Variants in PARP2 observed in about 807,000 individuals in gnomAD.
PARP2 encodes poly [ADP-ribose] polymerase 2.
Under a neutral mutation model 77.8 loss-of-function variants are expected in PARP2, and 57 were observed. That is an observed-to-expected ratio of 0.73 (90% CI 0.59 to 0.91). The LOEUF is 0.91. Ranked by LOEUF, PARP2 falls within the 40% of genes least tolerant of loss-of-function variation. PARP2 has a pLI of 0.00. For missense variants in PARP2, 651 were observed against 689.0 expected, an observed-to-expected ratio of 0.94 and a Z score of 0.62; for synonymous variants, 226 against 242.6, an observed-to-expected ratio of 0.93 and a Z score of 0.64.
intron 7 of PARP2, among the ~76,000 whole-genome samples, chr14:20,353,511 G>A (rs537370469): frequency 1.6e-3 from 245 of 152,296 alleles, no homozygotes; most frequent in Non-Finnish European, 3.1e-3. Flanking sequence ...CCAAAGTGCT[G>A]GGATTACAAG....
intron 4 of PARP2, among the ~76,000 whole-genome samples, chr14:20,348,008 G>A (rs529393739): frequency 6.6e-6 from 1 of 151,936 alleles, no homozygotes; most frequent in East Asian, 1.9e-4. Context: ...TGAGTAGCTC[G>A]GACTTCAGGC....
intron 13 of PARP2, 119 bp downstream of exon 13, chr14:20,356,808 C>T (rs550689943): frequency 1.2e-6 from 1 of 807,458 alleles, no homozygotes; most frequent in Non-Finnish European, 2.1e-6. Flanking sequence ...AGCCAGCTCA[C>T]TGATAACCTT....
chr14:20,346,475 C>T (rs905115321), intron 3 of PARP2: 10 of 168,284 alleles, frequency 5.9e-5, no homozygotes, highest in African/African-American at 1.4e-4. Context: ...TTACAGGTGC[C>T]CACCACCACG....
At chr14:20,350,967 C>A in intron 5 of PARP2, 80 bp from the exon 6 acceptor site, 1 of 1,074,580 alleles carries the variant, frequency 9.3e-7, no homozygotes, top group South Asian at 1.3e-5. Flanking sequence ...GCCTGTTTGT[C>A]AGATGTTAAG....
At chr14:20,347,053 G>A (rs1388728429) in intron 4 of PARP2, 140 bp downstream of exon 4, 2 of 567,068 alleles carry the variant, frequency 3.5e-6, no homozygotes, top group Non-Finnish European at 6.2e-6. Flanking sequence ...TTTTGAAATG[G>A]AGTCTCACTT....
At chr14:20,350,226 A>G (rs1468120179) in intron 4 of PARP2, among the ~76,000 whole-genome samples, 1 of 152,200 alleles carries the variant, frequency 6.6e-6, no homozygotes, top group Non-Finnish European at 1.5e-5. Context: ...AAAATATCTA[A>G]ATAGGGAGCT....
Position 20,356,607 on chromosome 14 carries a change from G to T in PARP2, c.1247G>T (p.Gly416Val), listed in dbSNP as rs902190105. ...DLHNRMLLWH[G>V]SRMSNWVGIL... ...TTCCTTAGGATGCTTCTATGGCATG[G>T]TTCCAGGATGAGTAACTGGGTGGGA... Residue 416 changes from glycine to valine, a missense_variant, in exon 13 of 16, where the codon GGT (glycine) becomes GTT (valine). Coordinates refer to ENST00000429687, the MANE Select transcript of PARP2 (RefSeq NM_001042618.2). 1 of 1,614,078 alleles carries T rather than the reference G, an allele frequency of 6.2e-7. No homozygotes were observed. Among genetic ancestry groups the T allele is most frequent in the East Asian group, 2.2e-5 (1 of 44,890 alleles).
At chr14:20,343,812 T>C in intron 1 of PARP2, 125 bp downstream of exon 1, 1 of 1,018,080 alleles carries the variant, frequency 9.8e-7, no homozygotes, top group Non-Finnish European at 1.5e-6. Flanking sequence ...CCAAACCAGT[T>C]GGGGTGCTAA....
At chr14:20,354,762 C>A in intron 8 of PARP2, 47 bp from the exon 9 acceptor site, 1 of 1,563,074 alleles carries the variant, frequency 6.4e-7, no homozygotes, top group Non-Finnish European at 8.7e-7. Flanking sequence ...GTACAGTTCA[C>A]TAGATGGGAT....
At chr14:20,343,731 G>C in intron 1 of PARP2, 44 bp downstream of exon 1, 1 of 1,595,328 alleles carries the variant, frequency 6.3e-7, no homozygotes, top group Non-Finnish European at 8.5e-7. Context: ...GGGGCGGGCA[G>C]TCAGAAAGGA....
intron 6 of PARP2, 70 bp downstream of exon 6, chr14:20,351,192 T>A (rs1451046919): frequency 1.6e-6 from 2 of 1,255,510 alleles, no homozygotes; most frequent in Non-Finnish European, 2.3e-6. Flanking sequence ...CTAAAAAATT[T>A]TTTTTTAGAC....
At chr14:20,347,055 G>C (rs147372211) in intron 4 of PARP2, 142 bp downstream of exon 4, 11 of 560,032 alleles carry the variant, frequency 2.0e-5, no homozygotes, top group Non-Finnish European at 1.6e-5. Context: ...TTGAAATGGA[G>C]TCTCACTTCA....
chr14:20,345,025 C>G lies in PARP2; in HGVS notation c.140C>G (p.Ser47Trp). 1.2e-6 allele frequency: 2 copies of G among 1,613,636 alleles called. No homozygotes were observed. Among genetic ancestry groups the G allele is most frequent in the Non-Finnish European group, 1.7e-6 (2 of 1,179,742 alleles). The change falls in exon 2 of 16, where the codon TCG becomes TGG. Residue 47 changes from serine to tryptophan, a missense_variant. Ser to Trp is a radical substitution (Grantham distance 177). Transcript: ENST00000429687. ...KKTRRCQRQE[S>W]KKMPVAGGKA... ...ACTCGTAGATGCCAGAGACAGGAGT[C>G]GAAAAAGATGCCTGTGGCTGGAGGA...
Position 20,357,288 on chromosome 14 carries a change from T to G in PARP2, c.1429-108T>G, listed in dbSNP as rs551081252. 151 of 1,369,902 alleles carry G rather than the reference T, an allele frequency of 1.1e-4. 3 individuals carry two copies. The South Asian group carries it at 1.8e-3, about 16-fold the overall frequency. The allele number at this position is 1,369,902 out of a possible 1,614,324, so 84.9% of individuals were successfully genotyped here. ...AAGTACAATTTCTAGTACATTGGAT[T>G]CCTCTGCTGGAGTAGGGGAAAAAAG... On this transcript the variant is annotated intron_variant, in intron 14 of 15. Coordinates refer to ENST00000429687, the MANE Select transcript of PARP2 (RefSeq NM_001042618.2).
rs775932124 is a variant in PARP2 at position 20,356,715 on chromosome 14, A to G, written c.1329+26A>G. Reference sequence around the variant, plus strand: ...GTGAGTGAAATTGAACTCTGGGAGGAGCACAGGGGAAAGGGATACAGTAAT... The same window carrying G: ...GTGAGTGAAATTGAACTCTGGGAGGGGCACAGGGGAAAGGGATACAGTAAT... On this transcript the variant is annotated intron_variant, in intron 13 of 15. Coordinates refer to ENST00000429687, the MANE Select transcript of PARP2 (RefSeq NM_001042618.2). The G allele has an allele frequency of 7.3e-6, 11 of 1,510,264 alleles. No homozygotes were observed. In the African/African-American group the frequency reaches 1.4e-4, roughly 19 times the overall value. The allele number at this position is 1,510,264 out of a possible 1,614,324, so 93.6% of individuals were successfully genotyped here.
intron 9 of PARP2, chr14:20,355,230 GC>G: frequency 3.5e-6 from 1 of 286,904 alleles, no homozygotes; most frequent in Non-Finnish European, 6.4e-6. Flanking sequence ...ACACCTTCAG[GC>G]ATATCACCCC....
intron 4 of PARP2, among the ~76,000 whole-genome samples, chr14:20,349,495 T>TC (rs1883883230): frequency 6.8e-6 from 1 of 146,712 alleles, no homozygotes; most frequent in South Asian, 2.2e-4. Flanking sequence ...ATGTTGAAAC[T>TC]CCATGTCTAC....
rs1324833142 is a variant in PARP2, at chr14:20,357,579, C to G, written c.1553+59C>G. 4 of 1,603,884 alleles carry G rather than the reference C, an allele frequency of 2.5e-6. No homozygotes were observed. The Admixed American group carries it at 5.2e-5, about 21-fold the overall frequency. The stretch of plus-strand genomic sequence containing the variant: ...CCTTTTGGCCAGATAAGACTACGTT[C>G]TCTATTGCAGCTTCTGAACCAGAGA... On this transcript the variant is annotated intron_variant, in intron 15 of 15. Transcript: ENST00000429687.
At chr14:20,349,925 T>G (rs1306389041) in intron 4 of PARP2, among the ~76,000 whole-genome samples, 2 of 152,188 alleles carry the variant, frequency 1.3e-5, no homozygotes, top group Admixed American at 6.5e-5. Context: ...TACCTCTTTT[T>G]AGATACTGGC....
Sources: allele counts gnomAD v4.1 joint callset (sites outside exome capture counted in the v4.1 genomes callset), GRCh38; gene constraint gnomAD v4.1.1; transcripts MANE v1.5; gene names NCBI Gene and HGNC (gene_info 2026-07-23, HGNC 2026-07-21).